Variants in CPEB3 observed in about 807,000 individuals in gnomAD.
CPEB3 encodes cytoplasmic polyadenylation element binding protein 3.
A neutral mutation model predicts 67.2 loss-of-function variants in CPEB3; 20 were observed. The observed-to-expected ratio is 0.30, with a 90% CI of 0.21 to 0.43. The LOEUF (loss-of-function observed/expected upper bound fraction) is 0.43, where lower values mean the gene tolerates loss of function less well. CPEB3 is among the 20% of genes least tolerant of loss of function. CPEB3 has a pLI of 1.00. For synonymous variants in CPEB3, 376 were observed against 393.1 expected, an observed-to-expected ratio of 0.96 and a Z score of 0.51; for missense variants, 746 against 968.6, an observed-to-expected ratio of 0.77 and a Z score of 3.05.
Position 92,143,052 on chromosome 10 carries a change from C to T in CPEB3, c.1430G>A (p.Ser477Asn), listed in dbSNP as rs747369149. The change falls in exon 6 of 10, where the codon AGC becomes AAC. Residue 477 changes from serine (S) to asparagine (N), a missense_variant. Physicochemically the swap from Ser to Asn is conservative, Grantham distance 46. Coordinates refer to ENST00000265997, the MANE Select transcript of CPEB3 (RefSeq NM_014912.5). ...ACCTTTAGGAGGAAAATAAGACTTG[C>T]TTTCAGCTTTGTGAGGCCAGTCTAC... ...LVVDWPHKAE[S>N]KSYFPPKGYA... is the part of the protein sequence containing the mutation. 3 of 1,613,406 alleles carry T rather than the reference C, an allele frequency of 1.9e-6. No individual in the cohort carries two copies. Among genetic ancestry groups the T allele is most frequent in the South Asian group, 2.2e-5 (2 of 91,028 alleles).
At chr10:92,140,264 G>C (rs1044567412) in intron 6 of CPEB3, among the ~76,000 whole-genome samples, 1 of 152,102 alleles carries the variant, frequency 6.6e-6, no homozygotes, top group Non-Finnish European at 1.5e-5. Context: ...AAACAGCATG[G>C]TACTGGGACC....
In CPEB3 at chr10:92,242,297, T is replaced by C. The variant is rs542344128; in HGVS notation, c.-11-1936A>G. Among the ~76,000 whole-genome samples, 12 of 152,316 alleles carry C rather than the reference T, an allele frequency of 7.9e-5. No individual in the cohort carries two copies. The East Asian group carries it at 2.3e-3, about 29-fold the overall frequency. The stretch of plus-strand genomic sequence containing the variant: ...AACTCAATATAATATACAACACAGA[T>C]TGCCGGCTACTACCAATAAAATCTA... On this transcript the variant is annotated intron_variant, in intron 1 of 9. Coordinates refer to ENST00000265997, the MANE Select transcript of CPEB3 (RefSeq NM_014912.5).
At chr10:92,084,767 G>C (rs936553405) in intron 8 of CPEB3, among the ~76,000 whole-genome samples, 2 of 152,086 alleles carry the variant, frequency 1.3e-5, no homozygotes, top group African/African-American at 2.4e-5. Flanking sequence ...TTTTAGTAGA[G>C]ACTGGGTTTC....
chr10:92,256,149 C>A (rs1401961692), intron 1 of CPEB3, among the ~76,000 whole-genome samples: 1 of 152,104 alleles, frequency 6.6e-6, no homozygotes, highest in Non-Finnish European at 1.5e-5. Flanking sequence ...GTTGATAAAA[C>A]TTATTAATCC....
intron 4 of CPEB3, among the ~76,000 whole-genome samples, chr10:92,169,905 C>T (rs1391135977): frequency 6.6e-6 from 1 of 152,190 alleles, no homozygotes; most frequent in East Asian, 1.9e-4. Context: ...TAAGACAATA[C>T]TAGTCTGTCT....
At chr10:92,061,288 G>A (rs997738522) in intron 9 of CPEB3, among the ~76,000 whole-genome samples, 9 of 151,952 alleles carry the variant, frequency 5.9e-5, no homozygotes, top group African/African-American at 1.9e-4. Context: ...GTGTGGTGGC[G>A]GGTGCCTGTA....
At chr10:92,180,372 A>C (rs1848409160) in intron 4 of CPEB3, among the ~76,000 whole-genome samples, 1 of 152,168 alleles carries the variant, frequency 6.6e-6, no homozygotes, top group Non-Finnish European at 1.5e-5. Context: ...GTTATGTATA[A>C]ATAAGTTGAT....
chr10:92,178,415 T>G (rs1014767076), intron 4 of CPEB3, among the ~76,000 whole-genome samples: 1 of 152,272 alleles, frequency 6.6e-6, no homozygotes, highest in South Asian at 2.1e-4. Flanking sequence ...CACCTCGGCC[T>G]CTCAAAGTGC....
chr10:92,127,556 G>A (rs1845661379), intron 6 of CPEB3, among the ~76,000 whole-genome samples: 1 of 152,150 alleles, frequency 6.6e-6, no homozygotes, highest in Admixed American at 6.6e-5. Context: ...GCACACAGCT[G>A]TAATCCCAGC....
chr10:92,131,453 AAAG>A, intron 6 of CPEB3, among the ~76,000 whole-genome samples: 1 of 152,370 alleles, frequency 6.6e-6, no homozygotes, highest in South Asian at 2.1e-4. Context: ...AGAAGGCAGA[AAAG>A]AAGAATGCTG....
chr10:92,107,732 G>A (rs1443013969), intron 7 of CPEB3, among the ~76,000 whole-genome samples: 2 of 151,986 alleles, frequency 1.3e-5, no homozygotes, highest in African/African-American at 4.8e-5. Context: ...AAAAATCATA[G>A]ATCTAGAAGC....
At chr10:92,074,991 T>G (rs1842883511) in intron 9 of CPEB3, among the ~76,000 whole-genome samples, 1 of 152,102 alleles carries the variant, frequency 6.6e-6, no homozygotes, top group African/African-American at 2.4e-5. Flanking sequence ...CATTAGTGAG[T>G]GCCTGCTGTG....
intron 6 of CPEB3, among the ~76,000 whole-genome samples, chr10:92,139,429 G>A (rs1753931963): frequency 6.7e-6 from 1 of 149,666 alleles, no homozygotes; most frequent in Non-Finnish European, 1.5e-5. Context: ...GCCAGGCACA[G>A]AAAGACAAAC....
At position 92,047,738 on chromosome 10, in the gene CPEB3, A is replaced by G. The variant is rs1852153263; in HGVS notation, c.*4474T>C. 1.3e-5 allele frequency: 2 copies of G among 152,258 alleles called. No individual in the cohort carries two copies. Among genetic ancestry groups the G allele is most frequent in the African/African-American group, 4.8e-5 (2 of 41,474 alleles). 9.4% of individuals were successfully genotyped at this position (152,258 alleles called of 1,614,324 possible). On this transcript the variant is annotated 3_prime_UTR_variant, in exon 10 of 10. Coordinates refer to ENST00000265997, the MANE Select transcript of CPEB3 (RefSeq NM_014912.5). Reference sequence around the variant, plus strand: ...TTGATCTAATCTATATATTATTTACAAAACTGAATACATAGAGCATACCCA... The same window carrying G: ...TTGATCTAATCTATATATTATTTACGAAACTGAATACATAGAGCATACCCA...
At chr10:92,108,820 C>CT (rs1844594264) in intron 7 of CPEB3, among the ~76,000 whole-genome samples, 1 of 152,172 alleles carries the variant, frequency 6.6e-6, no homozygotes, top group Non-Finnish European at 1.5e-5. Flanking sequence ...AAAAGTCCTT[C>CT]AATCCAAGGA....
chr10:92,224,248 C>G (rs1355924475), intron 2 of CPEB3, among the ~76,000 whole-genome samples: 1 of 152,150 alleles, frequency 6.6e-6, no homozygotes, highest in African/African-American at 2.4e-5. Flanking sequence ...GGTTCTCCCA[C>G]GTTAACTGGT....
chr10:92,218,673 T>C (rs1408377718), intron 2 of CPEB3, among the ~76,000 whole-genome samples: 3 of 152,158 alleles, frequency 2.0e-5, no homozygotes, highest in Admixed American at 6.5e-5. Context: ...TAGGCCAACA[T>C]AAACTGTCAA....
chr10:92,195,082 C>CACAT (rs60224344), intron 2 of CPEB3, among the ~76,000 whole-genome samples: 1 of 149,316 alleles, frequency 6.7e-6, no homozygotes, highest in African/African-American at 2.5e-5. Flanking sequence ...CACACACACA[C>CACAT]GTACAAAAAA....
intron 1 of CPEB3, among the ~76,000 whole-genome samples, chr10:92,283,176 C>T (rs867345412): frequency 2.6e-5 from 4 of 151,884 alleles, no homozygotes; most frequent in Non-Finnish European, 4.4e-5. Context: ...CACCTGAGCC[C>T]GGTAGGCAAG....
Sources: gnomAD v4.1 joint callset for allele counts (sites outside exome capture counted in the v4.1 genomes callset) on GRCh38, gnomAD v4.1.1 for gene constraint, MANE v1.5 for transcripts, NCBI Gene and HGNC (gene_info 2026-07-23, HGNC 2026-07-21) for gene names.